HAPLN1: variants seen among roughly 807,000 people sequenced by gnomAD.
HAPLN1 encodes hyaluronan and proteoglycan link protein 1, also known as Cartilage link protein.
HAPLN1 carries 13 observed loss-of-function variants against 36.5 expected under a neutral mutation model. The observed-to-expected ratio is 0.36, with a 90% CI of 0.23 to 0.57. HAPLN1 has a LOEUF of 0.57. Among genes scored for constraint, HAPLN1 ranks in the 20% least tolerant of loss-of-function variants. HAPLN1 has a pLI of 0.83. For missense variants in HAPLN1, 407 were observed against 439.7 expected (o/e 0.93, Z 0.66); for synonymous variants, 202 against 169.8 (o/e 1.19, Z -1.48).
intron 1 of HAPLN1, among the ~76,000 whole-genome samples, chr5:83,711,085 T>C (rs1443692807): frequency 6.6e-6 from 1 of 152,166 alleles, no homozygotes; most frequent in Non-Finnish European, 1.5e-5. Context: ...ACATCCACAC[T>C]GGGCTCTTCG....
At chr5:83,692,390 A>G (rs111485118) in intron 1 of HAPLN1, among the ~76,000 whole-genome samples, 10 of 152,032 alleles carry the variant, frequency 6.6e-5, no homozygotes, top group African/African-American at 2.4e-4. Context: ...AAAGGAAGAA[A>G]AAGACCCATT....
intron 1 of HAPLN1, among the ~76,000 whole-genome samples, chr5:83,712,825 T>C (rs1030119103): frequency 2.0e-5 from 3 of 151,354 alleles, no homozygotes; most frequent in African/African-American, 7.3e-5. Flanking sequence ...ATTGAATGAT[T>C]GAATTTTTTT....
intron 2 of HAPLN1, among the ~76,000 whole-genome samples, chr5:83,658,446 G>A (rs1247189458): frequency 2.0e-5 from 3 of 152,156 alleles, no homozygotes; most frequent in African/African-American, 4.8e-5. Flanking sequence ...ATCTGAGCTT[G>A]CTTCACACCA....
At position 83,661,605 on chromosome 5, in the gene HAPLN1, C is replaced by T. The variant is rs551577213; in HGVS notation, c.101-8781G>A. 6.6e-5 allele frequency among the ~76,000 whole-genome samples: 10 copies of T among 151,900 alleles called. No individual in the cohort carries two copies. In the East Asian group the frequency reaches 1.9e-3, roughly 29 times the overall value. On this transcript the variant is annotated intron_variant, in intron 2 of 4. Coordinates refer to ENST00000274341, the MANE Select transcript of HAPLN1 (RefSeq NM_001884.4). ...GACTACAGGCGTCTGCCACCCCGCC[C>T]GGCTAATTTTTTGTATTTTTAGTAG...
At chr5:83,700,213 A>G (rs886410233) in intron 1 of HAPLN1, among the ~76,000 whole-genome samples, 33 of 149,692 alleles carry the variant, frequency 2.2e-4, no homozygotes, top group African/African-American at 8.1e-4. Flanking sequence ...AAAAAAAAAA[A>G]GACAACCACC....
chr5:83,687,530 A>G (rs1751159226), intron 1 of HAPLN1, among the ~76,000 whole-genome samples: 1 of 152,220 alleles, frequency 6.6e-6, no homozygotes. Context: ...TAGCATCTAA[A>G]CAAGGAATGA....
At chr5:83,654,468 T>C (rs1464804417) in intron 2 of HAPLN1, among the ~76,000 whole-genome samples, 4 of 152,234 alleles carry the variant, frequency 2.6e-5, no homozygotes, top group African/African-American at 9.6e-5. Context: ...ATGTCCACAA[T>C]GCCTGCATCC....
chr5:83,645,670 A>C (rs1749852336), intron 3 of HAPLN1, among the ~76,000 whole-genome samples: 1 of 151,860 alleles, frequency 6.6e-6, no homozygotes, highest in East Asian at 1.9e-4. Context: ...AGATCTGTAC[A>C]GTGAGGCACG....
chr5:83,648,706 G>A (rs1407517397), intron 3 of HAPLN1, among the ~76,000 whole-genome samples: 1 of 151,960 alleles, frequency 6.6e-6, no homozygotes, highest in African/African-American at 2.4e-5. Context: ...TGGCCCTTTG[G>A]TGCATGTTAG....
intron 3 of HAPLN1, among the ~76,000 whole-genome samples, chr5:83,648,422 T>TATATATATATATATATAC (rs1561300731): frequency 2.3e-5 from 3 of 131,810 alleles, no homozygotes; most frequent in Non-Finnish European, 4.8e-5. Flanking sequence ...TATATATATA[T>TATATATATATATATATAC]ATATATATAT....
chr5:83,645,366 C>T (rs1021100469), intron 3 of HAPLN1, among the ~76,000 whole-genome samples: 1 of 151,960 alleles, frequency 6.6e-6, no homozygotes, highest in Non-Finnish European at 1.5e-5. Context: ...ACCCATGGCC[C>T]ATGAGCCACA....
At chr5:83,641,895 T>C (rs1749715631) in intron 4 of HAPLN1, 110 bp from the exon 5 acceptor site, 3 of 1,150,690 alleles carry the variant, frequency 2.6e-6, no homozygotes, top group African/African-American at 1.6e-5. Flanking sequence ...TATAGAGCAA[T>C]GTTTGTAAAA....
At chr5:83,659,273 T>TAA (rs200436194) in intron 2 of HAPLN1, among the ~76,000 whole-genome samples, 2 of 146,698 alleles carry the variant, frequency 1.4e-5, no homozygotes, top group African/African-American at 2.5e-5. Flanking sequence ...GACTTCATCT[T>TAA]AAAAAAAAAA....
At chr5:83,649,006 T>C (rs1246207342) in intron 3 of HAPLN1, among the ~76,000 whole-genome samples, 7 of 152,334 alleles carry the variant, frequency 4.6e-5, no homozygotes, top group Middle Eastern at 3.4e-3. Flanking sequence ...CTATCTGAAT[T>C]TGTTGTAAAT....
intron 1 of HAPLN1, among the ~76,000 whole-genome samples, chr5:83,681,689 T>A (rs981585432): frequency 1.3e-5 from 2 of 152,104 alleles, no homozygotes; most frequent in Non-Finnish European, 2.9e-5. Flanking sequence ...TTTTTGACTT[T>A]TTGTAGAGAG....
At position 83,657,658 on chromosome 5, in the gene HAPLN1, A is replaced by G. The variant is rs370497094; in HGVS notation, c.101-4834T>C. ...CTTGGGAACCTCCCTGATACAAATC[A>G]AAATTTCAATGTTAAAAAACAAGTT... On this transcript the variant is annotated intron_variant, in intron 2 of 4. Transcript: ENST00000274341. Among the ~76,000 whole-genome samples, 29 of 152,280 alleles carry G rather than the reference A, an allele frequency of 1.9e-4. No individual in the cohort carries two copies. The East Asian group carries it at 5.0e-3, about 26-fold the overall frequency.
In HAPLN1 at chr5:83,652,830, A is replaced by T. The variant is rs749922283; in HGVS notation, c.101-6T>A. The T allele has an allele frequency of 6.4e-7, 1 of 1,557,764 alleles. No individual in the cohort carries two copies. The highest frequency in any genetic ancestry group is 1.2e-5 in the South Asian group (1 of 82,866). ...TAGATGGGGGCCATTTTCTGCTATA[A>T]TTAAAAAGGAAAAAAAAAAGAAAAT... On this transcript the variant is annotated splice_region_variant and splice_polypyrimidine_tract_variant and intron_variant, in intron 2 of 4. Coordinates refer to ENST00000274341, the MANE Select transcript of HAPLN1 (RefSeq NM_001884.4).
chr5:83,652,247 A>G (rs778995309), intron 3 of HAPLN1: 8 of 473,486 alleles, frequency 1.7e-5, no homozygotes, highest in Non-Finnish European at 3.0e-5. Context: ...AATAGCTTCA[A>G]TTTTGCACAT....
intron 2 of HAPLN1, among the ~76,000 whole-genome samples, chr5:83,654,190 T>A (rs1750151925): frequency 6.6e-6 from 1 of 152,244 alleles, no homozygotes; most frequent in African/African-American, 2.4e-5. Context: ...ATATTTTTAA[T>A]GAGCATATCA....
Sources: gnomAD v4.1 joint callset for allele counts (sites outside exome capture counted in the v4.1 genomes callset) on GRCh38, gnomAD v4.1.1 for gene constraint, MANE v1.5 for transcripts, NCBI Gene and HGNC (gene_info 2026-07-23, HGNC 2026-07-21) for gene names.